The following TRAPPC9 variants were observed in gnomAD, a reference collection of about 807,000 sequenced individuals.
TRAPPC9 encodes the protein IKK2 binding protein.
In TRAPPC9, 83 loss-of-function variants were observed where a neutral mutation model predicts 124.0. The ratio of observed to expected loss-of-function variants is 0.67; its 90% confidence interval spans 0.56 to 0.80. TRAPPC9 has a LOEUF of 0.80. Among genes scored for constraint, TRAPPC9 ranks in the 30% least tolerant of loss-of-function variants. TRAPPC9 has a pLI of 0.00. For synonymous variants in TRAPPC9, 638 were observed against 617.5 expected (o/e 1.03, Z -0.49); for missense variants, 1,302 against 1,508.3 (o/e 0.86, Z 2.27).
At chr8:140,302,586 C>G (rs2066011199) in intron 10 of TRAPPC9, 1 of 152,264 alleles carries the variant, frequency 6.6e-6, no homozygotes, top group South Asian at 2.1e-4. Flanking sequence ...CCCTCAGGAA[C>G]AGCAGCCGTC....
chr8:139,902,123 C>T (rs534990543), intron 20 of TRAPPC9, among the ~76,000 whole-genome samples: 26 of 152,314 alleles, frequency 1.7e-4, no homozygotes, highest in African/African-American at 5.1e-4. Context: ...TCCGTGTGCA[C>T]GTTCACACAC....
intron 5 of TRAPPC9, among the ~76,000 whole-genome samples, chr8:140,407,788 AT>A: frequency 6.6e-6 from 1 of 152,068 alleles, no homozygotes; most frequent in South Asian, 2.1e-4. Context: ...AGCCCCACTA[AT>A]TTTTGTATTT....
At chr8:140,006,435 T>C (rs919338203) in intron 18 of TRAPPC9, among the ~76,000 whole-genome samples, 2 of 152,116 alleles carry the variant, frequency 1.3e-5, no homozygotes, top group Admixed American at 1.3e-4. Context: ...TGGAAAACAA[T>C]CCAGCAGCTC....
chr8:139,930,402 C>T (rs541323183), intron 19 of TRAPPC9, among the ~76,000 whole-genome samples: 16 of 152,270 alleles, frequency 1.1e-4, no homozygotes, highest in African/African-American at 3.1e-4. Flanking sequence ...CCCGTGGTGT[C>T]GGTAGGGCAG....
At chr8:139,804,069 C>T (rs573251827) in intron 21 of TRAPPC9, among the ~76,000 whole-genome samples, 9 of 150,692 alleles carry the variant, frequency 6.0e-5, no homozygotes, top group South Asian at 4.2e-4. Context: ...CAAGCACCGC[C>T]GCCACCACCA....
intron 21 of TRAPPC9, among the ~76,000 whole-genome samples, chr8:139,828,966 T>C (rs930127080): frequency 1.2e-4 from 19 of 152,214 alleles, no homozygotes; most frequent in African/African-American, 4.6e-4. Context: ...AGATCAAAAC[T>C]TAGAAAAGAA....
intron 9 of TRAPPC9, among the ~76,000 whole-genome samples, chr8:140,348,990 G>A (rs2067437295): frequency 6.6e-6 from 1 of 151,310 alleles, no homozygotes; most frequent in Non-Finnish European, 1.5e-5. Flanking sequence ...TTGACAGACA[G>A]AAAAAGAGGA....
At chr8:140,116,648 A>G (rs1437056247) in intron 17 of TRAPPC9, among the ~76,000 whole-genome samples, 1 of 152,188 alleles carries the variant, frequency 6.6e-6, no homozygotes, top group Non-Finnish European at 1.5e-5. Context: ...TTGTGTTTTA[A>G]AGACAATAAA....
At chr8:139,920,917 A>G (rs908294121) in intron 19 of TRAPPC9, among the ~76,000 whole-genome samples, 3 of 152,232 alleles carry the variant, frequency 2.0e-5, no homozygotes, top group Non-Finnish European at 2.9e-5. Flanking sequence ...GAGGTCAAGG[A>G]ATGGCAGTGT....
chr8:139,947,759 T>A (rs751789494), intron 19 of TRAPPC9, among the ~76,000 whole-genome samples: 10 of 149,696 alleles, frequency 6.7e-5, no homozygotes, highest in Non-Finnish European at 1.2e-4. Context: ...TCCCAGCTAC[T>A]CAGGAGGCTG....
chr8:140,072,441 G>A (rs369062914), intron 17 of TRAPPC9, among the ~76,000 whole-genome samples: 9 of 151,930 alleles, frequency 5.9e-5, no homozygotes, highest in African/African-American at 1.7e-4. Context: ...TCGCTTGAAC[G>A]CGGGAGGCAG....
chr8:140,309,090 C>A (rs932697424), intron 10 of TRAPPC9, among the ~76,000 whole-genome samples: 1 of 152,164 alleles, frequency 6.6e-6, no homozygotes, highest in South Asian at 2.1e-4. Flanking sequence ...TAGACTGTTA[C>A]ACTTTCACCC....
Position 140,193,606 on chromosome 8 carries a change from G to A in TRAPPC9, c.2556+27853C>T, listed in dbSNP as rs1285131612. Among the ~76,000 whole-genome samples the A allele has an allele frequency of 2.9e-5, 4 of 137,002 alleles. No homozygotes were observed. The East Asian group carries it at 9.3e-4, about 32-fold the overall frequency. The allele number at this position is 137,002 out of a possible 152,430, so 89.9% of individuals were successfully genotyped here. On this transcript the variant is annotated intron_variant, in intron 17 of 22. Transcript: ENST00000438773. ...CACAAAGTTCCATAAGGGCAGAAGGGATCTTTGTACTTTCAGAAAAAAAAA... is the reference window on the plus strand; with the variant it reads ...CACAAAGTTCCATAAGGGCAGAAGGAATCTTTGTACTTTCAGAAAAAAAAA...
rs765656679 is a variant in TRAPPC9 at position 140,018,324 on chromosome 8, A to ATTTTTTCTTTTTTTTTT, written c.2699+5612_2699+5613insAAAAAAAAAAGAAAAAA. Among the ~76,000 whole-genome samples the ATTTTTTCTTTTTTTTTT allele has an allele frequency of 9.6e-4, 115 of 119,788 alleles. 12 individuals carry two copies. The highest frequency in any genetic ancestry group is 3.1e-3 in the African/African-American group (95 of 30,698). The allele number at this position is 119,788 out of a possible 152,430, so 78.6% of individuals were successfully genotyped here. A position where few individuals can be genotyped will look rare whatever the true frequency, so the allele number is the denominator to read the frequency against. ...TTGCTGGTATATAGAAACGTAAGTG[A>ATTTTTTCTTTTTTTTTT]TTTTTTTTTTTTTTTTTGAGACGGA... On this transcript the variant is annotated intron_variant, in intron 18 of 22. Transcript: ENST00000438773.
chr8:140,147,514 T>C (rs1242744465), intron 17 of TRAPPC9, among the ~76,000 whole-genome samples: 2 of 152,232 alleles, frequency 1.3e-5, no homozygotes, highest in African/African-American at 2.4e-5. Context: ...CCTGTTTCAA[T>C]GCCTTTCTCA....
chr8:140,308,467 C>T (rs953052750), intron 10 of TRAPPC9, among the ~76,000 whole-genome samples: 9 of 151,924 alleles, frequency 5.9e-5, no homozygotes, highest in African/African-American at 1.2e-4. Context: ...AGACCAGGTA[C>T]GATCCACGTG....
At chr8:139,738,360 C>T (rs1818337528) in intron 21 of TRAPPC9, among the ~76,000 whole-genome samples, 1 of 152,214 alleles carries the variant, frequency 6.6e-6, no homozygotes, top group African/African-American at 2.4e-5. Context: ...TTGCCCATGT[C>T]CCAGTCCCGG....
At chr8:140,066,262 T>C (rs201000393) in intron 17 of TRAPPC9, among the ~76,000 whole-genome samples, 2 of 53,522 alleles carry the variant, frequency 3.7e-5, no homozygotes, top group Non-Finnish European at 1.2e-4. Flanking sequence ...AATCCACCAC[T>C]GATGAACAGG....
chr8:139,888,605 T>C (rs899439652), intron 20 of TRAPPC9, among the ~76,000 whole-genome samples: 3 of 152,166 alleles, frequency 2.0e-5, no homozygotes, highest in African/African-American at 7.2e-5. Context: ...CGAACTCCCT[T>C]GGGGGTCTTA....
Sources: allele counts gnomAD v4.1 joint callset (sites outside exome capture counted in the v4.1 genomes callset), GRCh38; gene constraint gnomAD v4.1.1; transcripts MANE v1.5; gene names NCBI Gene and HGNC (gene_info 2026-07-23, HGNC 2026-07-21).